Variants in MYLK observed in about 807,000 individuals in gnomAD.
The protein encoded by MYLK is myosin light chain kinase, smooth muscle.
Under a neutral mutation model 203.4 loss-of-function variants are expected in MYLK, and 106 were observed. The ratio of observed to expected loss-of-function variants is 0.52; its 90% CI spans 0.45 to 0.61. The LOEUF (loss-of-function observed/expected upper bound fraction) is 0.61. Ranked by LOEUF, MYLK falls within the 20% of genes least tolerant of loss-of-function variation. The probability of loss-of-function intolerance (pLI) is 0.00; values close to 1 mark genes in which losing one functional copy is unlikely to be tolerated. For missense variants in MYLK, 2,072 were observed against 2,442.3 expected (o/e 0.85, Z 3.20); for synonymous variants, 867 against 959.5 (o/e 0.90, Z 1.78).
At chr3:123,735,565 C>T (rs73860152) in intron 8 of MYLK, 149 bp from the exon 9 acceptor site, 2 of 802,548 alleles carry the variant, frequency 2.5e-6, no homozygotes, top group East Asian at 2.6e-5. Context: ...CCTTTGAACT[C>T]CCCCCAGCCC....
intron 18 of MYLK, among the ~76,000 whole-genome samples, chr3:123,699,410 T>G (rs986295472): frequency 2.6e-5 from 4 of 152,236 alleles, no homozygotes; most frequent in African/African-American, 9.6e-5. Context: ...CGAGTAGCTC[T>G]GTCTGCCCGT....
In MYLK at chr3:123,784,976, A is replaced by G. The variant is rs142675888; in HGVS notation, c.165+8701T>C. 2.4e-3 allele frequency among the ~76,000 whole-genome samples: 362 copies of G among 152,358 alleles called. 4 individuals carry two copies. The highest frequency in any genetic ancestry group is 0.02 in the Middle Eastern group (6 of 294). On this transcript the variant is annotated intron_variant, in intron 4 of 33. Transcript: ENST00000360304. ...TCCATCCTGTTTCTTATAAACTAAC[A>G]TCTACAGCAGGAGCTTCAATTCTCT...
At chr3:123,651,971 G>A (rs1560019541) in intron 24 of MYLK, among the ~76,000 whole-genome samples, 1 of 152,234 alleles carries the variant, frequency 6.6e-6, no homozygotes, top group Non-Finnish European at 1.5e-5. Flanking sequence ...ACTAAGCAGG[G>A]AGCAGTGGCA....
chr3:123,869,240 G>A (rs2032565479), intron 2 of MYLK, among the ~76,000 whole-genome samples: 1 of 152,156 alleles, frequency 6.6e-6, no homozygotes, highest in Admixed American at 6.5e-5. Flanking sequence ...TGAAAAGGTG[G>A]TGGTGTTCTG....
intron 2 of MYLK, among the ~76,000 whole-genome samples, chr3:123,842,330 A>G (rs2066610198): frequency 6.6e-6 from 1 of 152,142 alleles, no homozygotes; most frequent in African/African-American, 2.4e-5. Context: ...GGTAGAGAAT[A>G]CCCCTGGCAT....
chr3:123,643,094 A>G (rs1235611118), intron 27 of MYLK, among the ~76,000 whole-genome samples: 1 of 152,210 alleles, frequency 6.6e-6, no homozygotes, highest in African/African-American at 2.4e-5. Context: ...CTTCACATGG[A>G]ATGATCTTTC....
At chr3:123,673,306 GACTC>G (rs1194861443) in intron 20 of MYLK, among the ~76,000 whole-genome samples, 4 of 151,616 alleles carry the variant, frequency 2.6e-5, no homozygotes, top group African/African-American at 9.7e-5. Context: ...TTTTTGTAGA[GACTC>G]ACTATGTTGC....
chr3:123,826,597 T>A (rs2066128985), intron 3 of MYLK, among the ~76,000 whole-genome samples: 1 of 151,922 alleles, frequency 6.6e-6, no homozygotes, highest in African/African-American at 2.4e-5. Flanking sequence ...GCACACTAGG[T>A]TGGCCAAACA....
chr3:123,701,173 C>T (rs1178089138), intron 17 of MYLK, among the ~76,000 whole-genome samples, 168 bp from the exon 18 acceptor site: 5 of 149,588 alleles, frequency 3.3e-5, no homozygotes, highest in Non-Finnish European at 5.9e-5. Context: ...TGGTGAGAGG[C>T]GCTCGCTTGC....
Position 123,882,332 on chromosome 3 carries a change from T to C in MYLK, c.-186+1874A>G, listed in dbSNP as rs569903681. 6.6e-5 allele frequency among the ~76,000 whole-genome samples: 10 copies of C among 152,302 alleles called. No individual in the cohort carries two copies. The East Asian group carries it at 1.7e-3, about 26-fold the overall frequency. On this transcript the variant is annotated intron_variant, in intron 1 of 33. Transcript: ENST00000360304. ...CAGGAGGCTGAGGTGGAGGATTCCT[T>C]GAGCCTGGTAGGTCAAGGTTGCAGT...
intron 8 of MYLK, among the ~76,000 whole-genome samples, chr3:123,737,049 T>C (rs2062696083): frequency 6.6e-6 from 1 of 151,378 alleles, no homozygotes; most frequent in Admixed American, 6.6e-5. Flanking sequence ...TAAAACCCTG[T>C]CTCTACAAAA....
chr3:123,738,389 C>A (rs1289799658), intron 7 of MYLK, among the ~76,000 whole-genome samples: 1 of 152,092 alleles, frequency 6.6e-6, no homozygotes, highest in African/African-American at 2.4e-5. Flanking sequence ...AACATGCATC[C>A]CTAACAAACA....
rs1029576842 is a variant in MYLK, at chr3:123,789,220, G to A, written c.165+4457C>T. On this transcript the variant is annotated intron_variant, in intron 4 of 33. Transcript: ENST00000360304. ...AGTGGCGCAGTCCTGTGCACTTCTC[G>A]CCCCACCCTACTTACATCCTGTTCT... Among the ~76,000 whole-genome samples, 143 of 151,634 alleles carry A rather than the reference G, an allele frequency of 9.4e-4. 2 individuals are homozygous for A. The highest frequency in any genetic ancestry group is 3.2e-3 in the African/African-American group (134 of 41,292).
In MYLK at chr3:123,732,800, G is replaced by A. The variant is rs574437892; in HGVS notation, c.1516+96C>T. ...TTCTGTCGGGCTGTGCACCAAGGCA[G>A]GGGGCTATAGGAGATGAACCATCTG... On this transcript the variant is annotated intron_variant, in intron 11 of 33. Coordinates refer to ENST00000360304, the MANE Select transcript of MYLK (RefSeq NM_053025.4). 1.4e-5 allele frequency: 17 copies of A among 1,223,774 alleles called. No individual in the cohort carries two copies. In the African/African-American group the frequency reaches 2.2e-4, roughly 16 times the overall value. 75.8% of individuals were successfully genotyped at this position (1,223,774 alleles called of 1,614,324 possible). A position where few individuals can be genotyped will look rare whatever the true frequency, so the allele number is the denominator to read the frequency against.
In MYLK at chr3:123,752,441, G is replaced by C. The variant is rs1285946380; in HGVS notation, c.263C>G (p.Thr88Ser). ...GACAGCATGAATCACAAGGCTGAAA[G>C]TCCCCCGGATGCCGCAATCCAGCAG... The part of the protein sequence containing the change: ...RFLLDCGIRG[T>S]FSLVIHAVHE... The change falls in exon 5 of 34, where the codon ACT becomes AGT. Residue 88 changes from threonine to serine, a missense_variant. Thr to Ser is a moderately conservative substitution (Grantham distance 58). Transcript: ENST00000360304. 2.4e-5 allele frequency: 39 copies of C among 1,614,092 alleles called. No homozygotes were observed. The highest frequency in any genetic ancestry group is 3.1e-5 in the Non-Finnish European group (37 of 1,180,052).
chr3:123,633,237 C>A lies in MYLK; in HGVS notation c.4962-3611G>T, dbSNP rs577607759. On this transcript the variant is annotated intron_variant, in intron 29 of 33. Transcript: ENST00000360304. The stretch of plus-strand genomic sequence containing the variant: ...ACCTCCCCAGGCTTAGGTGACCCTC[C>A]CACCTAAGCCACCCAAGTAGCAGGG... Among the ~76,000 whole-genome samples, 18 of 152,176 alleles carry A rather than the reference C, an allele frequency of 1.2e-4. No individual in the cohort carries two copies. In the East Asian group the frequency reaches 3.1e-3, roughly 26 times the overall value.
At chr3:123,870,049 C>G (rs1246821622) in intron 2 of MYLK, among the ~76,000 whole-genome samples, 1 of 152,040 alleles carries the variant, frequency 6.6e-6, no homozygotes, top group African/African-American at 2.4e-5. Context: ...TTCCCACACA[C>G]AGGCACACTC....
At chr3:123,726,157 G>A in intron 11 of MYLK, 79 bp from the exon 12 acceptor site, 1 of 1,589,378 alleles carries the variant, frequency 6.3e-7, no homozygotes, top group Non-Finnish European at 8.6e-7. Context: ...CAGCCTCCCA[G>A]GCACGCCTCA....
In MYLK at chr3:123,626,303, C is replaced by T. The variant is rs192789133; in HGVS notation, c.5238+515G>A. Among the ~76,000 whole-genome samples, 574 of 152,246 alleles carry T rather than the reference C, an allele frequency of 3.8e-3. 2 individuals are homozygous for T. Among genetic ancestry groups the T allele is most frequent in the Middle Eastern group, 0.02 (6 of 294 alleles). ...GAAGTTGGTACCACTATTATCCCCG[C>T]TTTATAGATGAGAAAAATCCACAGC... is the stretch of plus-strand genomic sequence containing the variant. On this transcript the variant is annotated intron_variant, in intron 31 of 33. Transcript: ENST00000360304.
Sources: allele counts gnomAD v4.1 joint callset (sites outside exome capture counted in the v4.1 genomes callset), GRCh38; gene constraint gnomAD v4.1.1; transcripts MANE v1.5; gene names NCBI Gene and HGNC (gene_info 2026-07-23, HGNC 2026-07-21).